FKBP11: variants seen among roughly 807,000 people sequenced by gnomAD.
FKBP11 encodes the protein FKBP prolyl isomerase 11.
FKBP11 carries 21 observed loss-of-function variants against 24.7 expected under a neutral mutation model. That is an observed-to-expected ratio of 0.85 (90% CI 0.60 to 1.23). The LOEUF (loss-of-function observed/expected upper bound fraction) is 1.23. FKBP11 is among the 50% of genes most tolerant of loss of function. The pLI, the probability that FKBP11 is intolerant of heterozygous loss-of-function variation, is 0.00. For synonymous variants in FKBP11, 106 were observed against 100.6 expected (o/e 1.05, Z -0.32); for missense variants, 245 against 248.7 (o/e 0.99, Z 0.10).
chr12:48,922,243 T>G (rs749654388), intron 5 of FKBP11, 42 bp from the exon 6 acceptor site: 1 of 1,543,990 alleles, frequency 6.5e-7, no homozygotes, highest in Non-Finnish European at 8.9e-7. Flanking sequence ...CTCTCTGCAT[T>G]TTATCCAGGG....
chr12:48,927,786 T>C (rs1240708917), upstream of FKBP11, among the ~76,000 whole-genome samples: 1 of 152,096 alleles, frequency 6.6e-6, no homozygotes, highest in Non-Finnish European at 1.5e-5. Context: ...GAGATGACCA[T>C]GAGGATGGAA....
At chr12:48,924,160 G>T in intron 4 of FKBP11, 63 bp downstream of exon 4, 1 of 1,580,582 alleles carries the variant, frequency 6.3e-7, no homozygotes, top group Non-Finnish European at 8.7e-7. Context: ...GAGTGAGGAT[G>T]GCCGAGAAAG....
chr12:48,938,066 T>C, the FKBP11 span: 1 of 197,916 alleles, frequency 5.1e-6, no homozygotes, highest in Non-Finnish European at 1.1e-5. Context: ...TGGGGAAGGA[T>C]CAGTTGAACA....
chr12:48,932,253 ATATATATATT>A, the FKBP11 span, among the ~76,000 whole-genome samples: 1 of 38,472 alleles, frequency 2.6e-5, no homozygotes, highest in African/African-American at 1.0e-4. Flanking sequence ...ATATATATAT[ATATATATATT>A]TTTTTTTTTT....
intron 5 of FKBP11, chr12:48,922,704 A>C (rs2137552690): frequency 1.0e-6 from 1 of 993,584 alleles, no homozygotes; most frequent in Middle Eastern, 5.2e-4. Flanking sequence ...CTTAAGAAGT[A>C]AAGGGGCAGG....
chr12:48,938,148 T>G, the FKBP11 span: 2 of 336,670 alleles, frequency 5.9e-6, no homozygotes, highest in South Asian at 4.7e-5. Context: ...TGGCATCTCC[T>G]TGGGAACAGT....
chr12:48,929,042 T>C (rs572202208), upstream of FKBP11, among the ~76,000 whole-genome samples: 31 of 149,140 alleles, frequency 2.1e-4, no homozygotes, highest in Non-Finnish European at 2.8e-4. Context: ...TTAGCCAGGA[T>C]GGTCTCGATC....
intron 5 of FKBP11, chr12:48,922,688 A>ATGC (rs1424157947): frequency 2.0e-6 from 2 of 993,872 alleles, no homozygotes; most frequent in African/African-American, 3.5e-5. Context: ...AAGGATGAGG[A>ATGC]TGCTGCTTAA....
chr12:48,936,410 G>A, the FKBP11 span: 1 of 152,648 alleles, frequency 6.6e-6, no homozygotes, highest in Non-Finnish European at 1.5e-5. Flanking sequence ...TGGAATCAGG[G>A]AAAGCATAAA....
the FKBP11 span, chr12:48,938,197 G>A: frequency 2.8e-6 from 1 of 351,176 alleles, no homozygotes; most frequent in Non-Finnish European, 5.7e-6. Flanking sequence ...CCTAAGAAGG[G>A]TGGAGAGAAG....
intron 1 of FKBP11, 26 bp downstream of exon 1, chr12:48,925,274 G>A (rs954246265): frequency 6.2e-7 from 1 of 1,609,254 alleles, no homozygotes. Context: ...GCCCACGGGG[G>A]CTGAGGGTCG....
At chr12:48,931,353 G>C (rs891972865), upstream of FKBP11, 3 of 1,414,746 alleles carry the variant, frequency 2.1e-6, no homozygotes, top group African/African-American at 4.3e-5. Flanking sequence ...GAGTGGAGTA[G>C]GAGAAGGTGG....
rs1939848178 is a variant in FKBP11 at position 48,922,057 on chromosome 12, C to T, written c.533G>A (p.Arg178Lys). The T allele has an allele frequency of 5.0e-6, 8 of 1,614,082 alleles. No homozygotes were observed. The highest frequency in any genetic ancestry group is 6.8e-6 in the Non-Finnish European group (8 of 1,179,980). Reference protein sequence around the residue: ...LLGLIGYHLYRKANRPKVSKK... With the variant: ...LLGLIGYHLYKKANRPKVSKK... Reference sequence around the variant, plus strand: ...GGAGACTTTGGGTCTATTGGCCTTTCTGTATAGGTGATACCCAATGAGGCC... The same window carrying T: ...GGAGACTTTGGGTCTATTGGCCTTTTTGTATAGGTGATACCCAATGAGGCC... Residue 178 changes from arginine (R) to lysine (K), a missense_variant, in exon 6 of 6, where the codon AGA becomes AAA. Arg to Lys is a conservative substitution (Grantham distance 26, BLOSUM62 2). Coordinates refer to ENST00000550765, the MANE Select transcript of FKBP11 (RefSeq NM_016594.3).
chr12:48,933,138 G>A, the FKBP11 span, among the ~76,000 whole-genome samples: 5 of 152,122 alleles, frequency 3.3e-5, no homozygotes, highest in African/African-American at 7.2e-5. Context: ...CACTGCCTTC[G>A]GTGGCTTTGC....
chr12:48,924,985 A>T, intron 2 of FKBP11, 61 bp downstream of exon 2: 1 of 1,561,030 alleles, frequency 6.4e-7, no homozygotes, highest in Non-Finnish European at 8.7e-7. Context: ...GCCAAAGCTG[A>T]CGTGTTTCAG....
At chr12:48,936,856 A>G in the FKBP11 span, 6 of 152,270 alleles carry the variant, frequency 3.9e-5, no homozygotes, top group African/African-American at 1.4e-4. Context: ...TTGAAAAGGA[A>G]AGAGTTCAAG....
At chr12:48,927,501 C>G (rs902594842), upstream of FKBP11, among the ~76,000 whole-genome samples, 1 of 152,132 alleles carries the variant, frequency 6.6e-6, no homozygotes, top group African/African-American at 2.4e-5. Context: ...TTGCGAATTA[C>G]GTATCAAGAT....
upstream of FKBP11, chr12:48,925,696 C>G: frequency 1.9e-6 from 1 of 522,008 alleles, no homozygotes; most frequent in Non-Finnish European, 3.4e-6. Flanking sequence ...GTGGGTCGGG[C>G]CAAACAATAG....
At chr12:48,922,748 ATAAG>A in intron 5 of FKBP11, 1 of 998,666 alleles carries the variant, frequency 1.0e-6, no homozygotes, top group East Asian at 1.1e-4. Flanking sequence ...AGAGGTACAA[ATAAG>A]CAGCACTGGG....
Sources: gnomAD v4.1 joint callset for allele counts (sites outside exome capture counted in the v4.1 genomes callset) on GRCh38, gnomAD v4.1.1 for gene constraint, MANE v1.5 for transcripts, NCBI Gene and HGNC (gene_info 2026-07-23, HGNC 2026-07-21) for gene names.